The following CTNNA3 variants were observed in gnomAD, a reference collection of about 807,000 sequenced individuals.
CTNNA3 encodes the protein catenin alpha 3.
Under a neutral mutation model 95.7 loss-of-function variants are expected in CTNNA3, and 76 were observed. The ratio of observed to expected loss-of-function variants is 0.79; its 90% CI spans 0.66 to 0.96. The LOEUF is 0.96. CTNNA3 is among the 40% of genes least tolerant of loss of function. The pLI, the probability that CTNNA3 is intolerant of heterozygous loss-of-function variation, is 0.00. For missense variants in CTNNA3, 1,191 were observed against 1,089.8 expected (o/e 1.09, Z -1.31); for synonymous variants, 431 against 374.4 (o/e 1.15, Z -1.74).
intron 1 of CTNNA3, among the ~76,000 whole-genome samples, chr10:67,702,305 C>G (rs1197715550): frequency 1.3e-5 from 2 of 152,104 alleles, no homozygotes; most frequent in Non-Finnish European, 2.9e-5. Flanking sequence ...CTCTCCACCC[C>G]AAATCAACAG....
intron 13 of CTNNA3, among the ~76,000 whole-genome samples, chr10:66,268,928 A>T (rs924835622): frequency 2.6e-5 from 4 of 152,148 alleles, no homozygotes; most frequent in African/African-American, 9.7e-5. Context: ...CCTTGTAGAG[A>T]CCTATTCAGG....
chr10:66,842,207 T>C (rs141162156), intron 7 of CTNNA3, among the ~76,000 whole-genome samples: 1,567 of 152,170 alleles, frequency 0.01, 15 homozygotes, highest in Middle Eastern at 0.034. Context: ...CCTCCCAAAG[T>C]GCTGGGATTA....
chr10:67,265,020 T>C (rs1215615631), intron 5 of CTNNA3, among the ~76,000 whole-genome samples: 1 of 152,190 alleles, frequency 6.6e-6, no homozygotes, highest in African/African-American at 2.4e-5. Flanking sequence ...TCTTATGCTA[T>C]AAAAACATCA....
At chr10:66,025,376 GT>G (rs1358622856) in intron 15 of CTNNA3, among the ~76,000 whole-genome samples, 5 of 152,206 alleles carry the variant, frequency 3.3e-5, no homozygotes, top group African/African-American at 9.6e-5. Flanking sequence ...AACAGTGGAG[GT>G]GATGAAAACA....
intron 5 of CTNNA3, among the ~76,000 whole-genome samples, chr10:67,257,762 A>G (rs1866422501): frequency 6.6e-6 from 1 of 152,196 alleles, no homozygotes; most frequent in Non-Finnish European, 1.5e-5. Context: ...ATTAAAAACA[A>G]TAATGGAAAA....
intron 7 of CTNNA3, among the ~76,000 whole-genome samples, chr10:67,042,306 G>A (rs546852693): frequency 6.6e-6 from 1 of 152,178 alleles, no homozygotes; most frequent in African/African-American, 2.4e-5. Context: ...TGAGAGGCAG[G>A]ACAGACAGAG....
intron 3 of CTNNA3, among the ~76,000 whole-genome samples, chr10:67,601,518 G>T (rs1040095087): frequency 1.3e-5 from 2 of 152,168 alleles, no homozygotes; most frequent in Non-Finnish European, 2.9e-5. Flanking sequence ...AATAGGCCAT[G>T]GACCAGTACC....
intron 13 of CTNNA3, among the ~76,000 whole-genome samples, chr10:66,136,977 A>G (rs2083389618): frequency 2.0e-5 from 3 of 152,208 alleles, no homozygotes; most frequent in African/African-American, 7.2e-5. Flanking sequence ...GCGTGCCACC[A>G]TGCCCAGCTA....
intron 7 of CTNNA3, among the ~76,000 whole-genome samples, chr10:66,873,562 T>C (rs1234509918): frequency 2.6e-5 from 4 of 151,962 alleles, no homozygotes; most frequent in African/African-American, 9.7e-5. Context: ...TTTAATGGAG[T>C]AATTTGGTTT....
chr10:65,981,595 C>T (rs1222217347), intron 16 of CTNNA3, among the ~76,000 whole-genome samples: 7 of 152,006 alleles, frequency 4.6e-5, no homozygotes, highest in African/African-American at 1.7e-4. Context: ...TGACTTCAAA[C>T]TATATTATAA....
chr10:67,133,042 T>C (rs1479914775), intron 7 of CTNNA3, among the ~76,000 whole-genome samples: 1 of 151,796 alleles, frequency 6.6e-6, no homozygotes, highest in African/African-American at 2.4e-5. Flanking sequence ...CAATATTATG[T>C]ATATTTTAAA....
At chr10:67,436,982 C>T (rs113029720) in intron 5 of CTNNA3, among the ~76,000 whole-genome samples, 3,540 of 152,174 alleles carry the variant, frequency 0.023, 135 homozygotes, top group African/African-American at 0.076. Flanking sequence ...TGTATCTACC[C>T]AGAGGAAAAG....
At chr10:66,249,801 G>T (rs2090476861) in intron 13 of CTNNA3, among the ~76,000 whole-genome samples, 1 of 152,102 alleles carries the variant, frequency 6.6e-6, no homozygotes, top group African/African-American at 2.4e-5. Flanking sequence ...TCCAGCTTGG[G>T]GGACAGAGCG....
chr10:66,246,029 C>T (rs1191017158), intron 13 of CTNNA3, among the ~76,000 whole-genome samples: 2 of 152,204 alleles, frequency 1.3e-5, no homozygotes, highest in Non-Finnish European at 2.9e-5. Flanking sequence ...GGACTGGCAG[C>T]CCAGGCCCCA....
chr10:67,674,553 C>A (rs1840501298), intron 1 of CTNNA3, among the ~76,000 whole-genome samples: 1 of 152,110 alleles, frequency 6.6e-6, no homozygotes, highest in African/African-American at 2.4e-5. Flanking sequence ...AAAACACCAC[C>A]AGCAGAGAAT....
At chr10:66,921,319 T>C (rs1846776901) in intron 7 of CTNNA3, among the ~76,000 whole-genome samples, 1 of 152,044 alleles carries the variant, frequency 6.6e-6, no homozygotes, top group South Asian at 2.1e-4. Context: ...GGAATTGGGG[T>C]TTCAATATAT....
intron 11 of CTNNA3, among the ~76,000 whole-genome samples, chr10:66,477,034 T>C (rs974130762): frequency 1.3e-5 from 2 of 152,152 alleles, no homozygotes; most frequent in African/African-American, 4.8e-5. Flanking sequence ...TCTGATATTT[T>C]ATTACAATTG....
chr10:67,146,988 G>A (rs1434562226), intron 7 of CTNNA3, among the ~76,000 whole-genome samples: 1 of 152,160 alleles, frequency 6.6e-6, no homozygotes, highest in Non-Finnish European at 1.5e-5. Context: ...GTGTGCAGTA[G>A]TAGGCTATAC....
Position 67,738,243 on chromosome 10 carries a change from GATATTTGCTGTTCCGCA to G in CTNNA3, c.-2+25174_-2+25190del, listed in dbSNP as rs1266698496. Reference sequence around the variant, plus strand: ...GCTTCCAGAGGAAGGATCAGGCAGCGATATTTGCTGTTCCGCAATATTTGCTGTTCTGCAGCCTCTGC... The same window carrying G: ...GCTTCCAGAGGAAGGATCAGGCAGCGATATTTGCTGTTCTGCAGCCTCTGC... On this transcript the variant is annotated intron_variant, in intron 1 of 17. Coordinates refer to the CTNNA3 transcript ENST00000684154. Among the ~76,000 whole-genome samples the G allele has an allele frequency of 6.6e-5, 10 of 152,258 alleles. No homozygotes were observed. In the East Asian group the frequency reaches 1.9e-3, roughly 29 times the overall value.
Sources: allele counts gnomAD v4.1 joint callset (sites outside exome capture counted in the v4.1 genomes callset), GRCh38; gene constraint gnomAD v4.1.1; transcripts MANE v1.5; gene names NCBI Gene and HGNC (gene_info 2026-07-23, HGNC 2026-07-21).